DCBLD2: variants seen among roughly 807,000 people sequenced by gnomAD.
DCBLD2 encodes the protein discoidin, CUB and LCCL domain containing 2, also known as discoidin, CUB and LCCL domain-containing protein 2.
Under a neutral mutation model 86.8 loss-of-function variants are expected in DCBLD2, and 54 were observed. The ratio of observed to expected loss-of-function variants is 0.62; its 90% CI spans 0.50 to 0.78. The LOEUF is 0.78. Ranked by LOEUF, DCBLD2 falls within the 30% of genes least tolerant of loss-of-function variation. The pLI is 0.00. For missense variants in DCBLD2, 908 were observed against 954.2 expected (o/e 0.95, Z 0.64); for synonymous variants, 354 against 341.3 (o/e 1.04, Z -0.41).
intron 2 of DCBLD2, among the ~76,000 whole-genome samples, chr3:98,862,854 T>C (rs1943070946): frequency 1.3e-5 from 2 of 152,176 alleles, no homozygotes; most frequent in Admixed American, 1.3e-4. Context: ...TCATATAGTA[T>C]TGGAAGTTCT....
chr3:98,840,275 T>G (rs558439981), intron 3 of DCBLD2, among the ~76,000 whole-genome samples: 2 of 152,292 alleles, frequency 1.3e-5, no homozygotes, highest in Middle Eastern at 3.4e-3. Context: ...TTCTGGTACA[T>G]GTACATATAT....
Position 98,799,969 on chromosome 3 carries a change from A to G in DCBLD2, c.1859-128T>C, listed in dbSNP as rs988572776. 4 of 727,284 alleles carry G rather than the reference A, an allele frequency of 5.5e-6. No homozygotes were observed. In the Admixed American group the frequency reaches 9.1e-5, roughly 17 times the overall value. 45.1% of individuals were successfully genotyped at this position (727,284 alleles called of 1,614,324 possible). ...GATACTTTTGTTGCCATCAATACTT[A>G]ATCTGTAAGAACTTTGAAAATTAAA... On this transcript the variant is annotated intron_variant, in intron 15 of 15. Coordinates refer to ENST00000326840, the MANE Select transcript of DCBLD2 (RefSeq NM_080927.4).
chr3:98,892,202 A>G (rs1943673716), intron 1 of DCBLD2, among the ~76,000 whole-genome samples: 1 of 152,128 alleles, frequency 6.6e-6, no homozygotes, highest in Admixed American at 6.6e-5. Context: ...TACCCTAACC[A>G]GTATACTGGT....
intron 8 of DCBLD2, among the ~76,000 whole-genome samples, chr3:98,818,527 T>C (rs1201363290): frequency 1.3e-5 from 2 of 152,212 alleles, no homozygotes; most frequent in African/African-American, 2.4e-5. Flanking sequence ...GAGTGTCAAC[T>C]TGATTGAAGG....
At chr3:98,842,517 A>T (rs1186366534) in intron 3 of DCBLD2, among the ~76,000 whole-genome samples, 1 of 152,236 alleles carries the variant, frequency 6.6e-6, no homozygotes, top group Non-Finnish European at 1.5e-5. Context: ...CAGACACTAT[A>T]CTAGGTATTT....
intron 2 of DCBLD2, among the ~76,000 whole-genome samples, chr3:98,866,648 C>T (rs1358677731): frequency 6.6e-6 from 1 of 152,112 alleles, no homozygotes; most frequent in East Asian, 1.9e-4. Context: ...TTCTCCCATT[C>T]TGTAGGTTGC....
At chr3:98,799,890 T>G (rs752270133) in intron 15 of DCBLD2, 49 bp from the exon 16 acceptor site, 22 of 1,473,564 alleles carry the variant, frequency 1.5e-5, no homozygotes, top group Non-Finnish European at 2.0e-5. Flanking sequence ...AGTAAAGAGA[T>G]TGCATAATTT....
At chr3:98,812,702 G>T (rs1941958969) in intron 9 of DCBLD2, 2 of 412,886 alleles carry the variant, frequency 4.8e-6, no homozygotes, top group African/African-American at 2.1e-5. Context: ...ATTTAATATA[G>T]AAATGATTTT....
At chr3:98,826,238 C>A (rs1299403234) in intron 3 of DCBLD2, among the ~76,000 whole-genome samples, 1 of 152,190 alleles carries the variant, frequency 6.6e-6, no homozygotes, top group Non-Finnish European at 1.5e-5. Flanking sequence ...GACAGCAAAG[C>A]CTTCAACACA....
rs1322347429 is a variant in DCBLD2 at position 98,839,204 on chromosome 3, C to CTTCTTTCT, written c.571+10249_571+10256dup. ...TCTTCCTTCCTTCCTTCCTTCCTTC[C>CTTCTTTCT]TTCTTTCTTTCCTTCTTTCCTTCTC... On this transcript the variant is annotated intron_variant, in intron 3 of 15. Transcript: ENST00000326840. Among the ~76,000 whole-genome samples the CTTCTTTCT allele has an allele frequency of 3.6e-4, 47 of 131,370 alleles. 1 individual carries two copies. Among genetic ancestry groups the CTTCTTTCT allele is most frequent in the African/African-American group, 1.5e-3 (45 of 30,894 alleles). 86.2% of individuals were successfully genotyped at this position (131,370 alleles called of 152,430 possible).
At chr3:98,836,185 C>T (rs1179047924) in intron 3 of DCBLD2, among the ~76,000 whole-genome samples, 1 of 142,986 alleles carries the variant, frequency 7.0e-6, no homozygotes, top group Non-Finnish European at 1.5e-5. Context: ...CACATATTTA[C>T]CAGCTGCTTC....
At chr3:98,802,980 C>T (rs1345682796) in intron 13 of DCBLD2, among the ~76,000 whole-genome samples, 21 of 152,092 alleles carry the variant, frequency 1.4e-4, no homozygotes, top group African/African-American at 4.8e-4. Flanking sequence ...AGTCAGGTAA[C>T]GTGATGCCTC....
intron 2 of DCBLD2, among the ~76,000 whole-genome samples, chr3:98,880,837 G>T (rs1337887084): frequency 1.3e-5 from 2 of 152,196 alleles, no homozygotes; most frequent in Admixed American, 1.3e-4. Flanking sequence ...ATCCCAGGAA[G>T]TTTGGATCCA....
intron 2 of DCBLD2, among the ~76,000 whole-genome samples, chr3:98,871,701 C>A (rs1943284418): frequency 6.6e-6 from 1 of 151,998 alleles, no homozygotes; most frequent in Non-Finnish European, 1.5e-5. Context: ...GATTTTTGCA[C>A]CTATGTTCAT....
intron 1 of DCBLD2, among the ~76,000 whole-genome samples, chr3:98,887,159 A>G (rs1276052790): frequency 1.4e-5 from 2 of 143,794 alleles, no homozygotes; most frequent in Admixed American, 7.2e-5. Context: ...AATGGAGAGC[A>G]AAGGTTTAAA....
At chr3:98,811,126 C>A (rs1941930730) in intron 12 of DCBLD2, 68 bp downstream of exon 12, 1 of 1,423,720 alleles carries the variant, frequency 7.0e-7, no homozygotes, top group Non-Finnish European at 9.3e-7. Context: ...TTTAAAAATG[C>A]CCGTGAAAAC....
At chr3:98,845,973 T>TCACC in intron 3 of DCBLD2, among the ~76,000 whole-genome samples, 1 of 152,342 alleles carries the variant, frequency 6.6e-6, no homozygotes, top group African/African-American at 2.4e-5. Context: ...GGTGATTCTT[T>TCACC]CACCATACTT....
rs1365286909 is a variant in DCBLD2 at position 98,839,161 on chromosome 3, T to TTC, written c.571+10298_571+10299dup. 3.1e-3 allele frequency among the ~76,000 whole-genome samples: 289 copies of TTC among 93,408 alleles called. 4 individuals are homozygous for TTC. Among genetic ancestry groups the TTC allele is most frequent in the South Asian group, 1.0e-2 (24 of 2,402 alleles). 61.3% of individuals were successfully genotyped at this position (93,408 alleles called of 152,430 possible). On this transcript the variant is annotated intron_variant, in intron 3 of 15. Coordinates refer to ENST00000326840, the MANE Select transcript of DCBLD2 (RefSeq NM_080927.4). ...CTTCCTTCCTTCTTTCTTTCTTTCT[T>TTC]TCTTTCTTTCCTTTCTTTCTTCCTT...
At chr3:98,891,194 G>A (rs536750900) in intron 1 of DCBLD2, among the ~76,000 whole-genome samples, 9 of 151,428 alleles carry the variant, frequency 5.9e-5, no homozygotes, top group Non-Finnish European at 1.5e-5. Flanking sequence ...GGGAGAGGGA[G>A]AAGGAGAGAG....
Sources: gnomAD v4.1 joint callset for allele counts (sites outside exome capture counted in the v4.1 genomes callset) on GRCh38, gnomAD v4.1.1 for gene constraint, MANE v1.5 for transcripts, NCBI Gene and HGNC (gene_info 2026-07-23, HGNC 2026-07-21) for gene names.